PCDHA7: variants seen among roughly 807,000 people sequenced by gnomAD.
PCDHA7 encodes protocadherin alpha 7.
PCDHA7 carries 37 observed loss-of-function variants against 57.2 expected under a neutral mutation model. That is an observed-to-expected ratio of 0.65 (90% CI 0.50 to 0.85). The LOEUF is 0.85. Ranked by LOEUF, PCDHA7 falls within the 40% of genes least tolerant of loss-of-function variation. The pLI, the probability that PCDHA7 is intolerant of heterozygous loss-of-function variation, is 0.00. For synonymous variants in PCDHA7, 553 were observed against 558.8 expected, an observed-to-expected ratio of 0.99 and a Z score of 0.15; for missense variants, 1,188 against 1,241.8, an observed-to-expected ratio of 0.96 and a Z score of 0.65.
intron 1 of PCDHA7, among the ~76,000 whole-genome samples, chr5:140,881,694 G>C (rs1375930995): frequency 6.6e-6 from 1 of 152,126 alleles, no homozygotes; most frequent in Non-Finnish European, 1.5e-5. Flanking sequence ...TCCTTTTGGA[G>C]TCAATGGCTG....
chr5:140,988,097 C>T (rs2097282934), intron 3 of PCDHA7, among the ~76,000 whole-genome samples: 1 of 152,084 alleles, frequency 6.6e-6, no homozygotes, highest in Admixed American at 6.5e-5. Flanking sequence ...AGCCTCGGGC[C>T]TTGTTGGAGA....
At chr5:140,915,572 C>A (rs2077180575) in intron 1 of PCDHA7, among the ~76,000 whole-genome samples, 1 of 151,988 alleles carries the variant, frequency 6.6e-6, no homozygotes, top group Non-Finnish European at 1.5e-5. Flanking sequence ...ATCTGGATTG[C>A]CAGGCAAAAG....
intron 1 of PCDHA7, among the ~76,000 whole-genome samples, chr5:140,885,740 GTTACT>G (rs1554182262): frequency 2.6e-5 from 4 of 152,016 alleles, no homozygotes; most frequent in African/African-American, 9.7e-5. Context: ...ATATTTCACT[GTTACT>G]TTAATTTTAA....
In PCDHA7 at chr5:140,836,199, T is replaced by C; in HGVS notation, c.1816T>C (p.Trp606Arg). ...AVDADSGYNA[W>R]LSYELQPVAA... is the part of the protein sequence containing the mutation. Reference sequence around the variant, plus strand: ...TGACGCTGACTCAGGCTACAACGCGTGGCTTTCGTATGAGTTGCAACCGGT... The same window carrying C: ...TGACGCTGACTCAGGCTACAACGCGCGGCTTTCGTATGAGTTGCAACCGGT... Residue 606 changes from tryptophan (W) to arginine (R), a missense_variant, in exon 1 of 4, where the codon TGG (tryptophan) becomes CGG (arginine). By Grantham distance (101) the Trp-to-Arg change is moderately radical. Around this residue, in one of 3 missense-constraint regions of PCDHA7, gnomAD observed 892 missense variants for 788.5 expected, o/e 1.13. Coordinates refer to ENST00000525929, the MANE Select transcript of PCDHA7 (RefSeq NM_018910.3). 6.2e-7 allele frequency: 1 copy of C among 1,613,834 alleles called. No homozygotes were observed. The highest frequency in any genetic ancestry group is 1.7e-5 in the Admixed American group (1 of 60,028).
chr5:140,983,282 G>A (rs1030439196), intron 3 of PCDHA7, among the ~76,000 whole-genome samples: 1 of 152,152 alleles, frequency 6.6e-6, no homozygotes, highest in Non-Finnish European at 1.5e-5. Context: ...GTGAGTATAG[G>A]AAAATTGCTT....
intron 1 of PCDHA7, among the ~76,000 whole-genome samples, chr5:140,951,706 G>A (rs2094621330): frequency 6.6e-6 from 1 of 152,060 alleles, no homozygotes; most frequent in African/African-American, 2.4e-5. Context: ...CTTTGGGCGG[G>A]GACACAGATC....
At chr5:140,849,541 A>C in intron 1 of PCDHA7, 1 of 1,598,262 alleles carries the variant, frequency 6.3e-7, no homozygotes, top group Non-Finnish European at 8.6e-7. Flanking sequence ...AATGCTCCAC[A>C]GTTGACTATC....
intron 1 of PCDHA7, chr5:140,883,940 G>T: frequency 6.2e-7 from 1 of 1,613,412 alleles, no homozygotes; most frequent in Non-Finnish European, 8.5e-7. Flanking sequence ...CGTGCTGGAC[G>T]AGAACGACAA....
chr5:140,999,125 G>A (rs1554256627), intron 3 of PCDHA7, among the ~76,000 whole-genome samples: 1 of 152,152 alleles, frequency 6.6e-6, no homozygotes, highest in Non-Finnish European at 1.5e-5. Context: ...TTCTAAGCTG[G>A]AAAATGTCAC....
chr5:141,002,442 A>G (rs1177854570), intron 3 of PCDHA7, among the ~76,000 whole-genome samples: 3 of 152,218 alleles, frequency 2.0e-5, no homozygotes, highest in Non-Finnish European at 4.4e-5. Context: ...AACCATAATA[A>G]TTGGCACATT....
chr5:140,908,308 G>A (rs1011025623), intron 1 of PCDHA7, among the ~76,000 whole-genome samples: 19 of 152,170 alleles, frequency 1.2e-4, no homozygotes, highest in African/African-American at 4.6e-4. Context: ...AAGGAAGGGC[G>A]GCAGGAGTGG....
At chr5:140,870,711 G>T (rs781786878) in intron 1 of PCDHA7, 1 of 1,613,108 alleles carries the variant, frequency 6.2e-7, no homozygotes, top group Non-Finnish European at 8.5e-7. Flanking sequence ...AGGTGAGCGC[G>T]CGCGATGCGG....
chr5:140,857,774 G>A (rs554890390), intron 1 of PCDHA7: 8 of 1,597,758 alleles, frequency 5.0e-6, no homozygotes, highest in Admixed American at 1.7e-5. Context: ...GGGCGGTGCA[G>A]TCAGTGAGCT....
chr5:140,882,852 T>C, intron 1 of PCDHA7: 2 of 1,614,216 alleles, frequency 1.2e-6, no homozygotes, highest in Non-Finnish European at 1.7e-6. Flanking sequence ...TTATCACTTG[T>C]ACTGAGGAAA....
intron 1 of PCDHA7, among the ~76,000 whole-genome samples, chr5:140,937,780 C>T (rs1459266022): frequency 3.3e-5 from 5 of 151,656 alleles, no homozygotes; most frequent in African/African-American, 7.3e-5. Flanking sequence ...GGCGTGGTGG[C>T]GGGCGTATGT....
At position 140,842,935 on chromosome 5, in the gene PCDHA7, C is replaced by T. The variant is rs1329962165; in HGVS notation, c.2355+6197C>T. ...TGCTGCAGTTCCAGGTGAGCGCGCG[C>T]GACGCGGGCGTGCCGCCTCTGGGCA... On this transcript the variant is annotated intron_variant, in intron 1 of 3. Transcript: ENST00000525929. The T allele has an allele frequency of 3.8e-6, 6 of 1,594,442 alleles. No individual in the cohort carries two copies. In the African/African-American group the frequency reaches 8.1e-5, roughly 21 times the overall value.
intron 1 of PCDHA7, among the ~76,000 whole-genome samples, chr5:140,958,134 T>C (rs1235856780): frequency 6.6e-6 from 1 of 152,150 alleles, no homozygotes; most frequent in African/African-American, 2.4e-5. Flanking sequence ...TGTATCAGTG[T>C]GTATATTTAT....
At chr5:140,976,140 C>T (rs1276971902) in intron 1 of PCDHA7, among the ~76,000 whole-genome samples, 9 of 152,130 alleles carry the variant, frequency 5.9e-5, no homozygotes, top group African/African-American at 1.7e-4. Flanking sequence ...CTGGATGAAA[C>T]TCATGTACAT....
intron 1 of PCDHA7, among the ~76,000 whole-genome samples, chr5:140,890,847 C>A (rs2062829860): frequency 1.3e-5 from 2 of 152,148 alleles, no homozygotes. Flanking sequence ...AGTTTTGTTT[C>A]TCTTCCTTAC....
Sources: allele counts gnomAD v4.1 joint callset (sites outside exome capture counted in the v4.1 genomes callset), GRCh38; gene constraint gnomAD v4.1.1; regional missense constraint gnomAD v4.1.1; transcripts MANE v1.5; gene names NCBI Gene and HGNC (gene_info 2026-07-23, HGNC 2026-07-21).